Variants in RCBTB1 observed in about 807,000 individuals in gnomAD.
RCBTB1 encodes RCC1 and BTB domain-containing protein 1.
RCBTB1 carries 46 observed loss-of-function variants against 62.4 expected under a neutral mutation model. The observed-to-expected ratio is 0.74, with a 90% CI of 0.58 to 0.94. RCBTB1 has a LOEUF of 0.94. Among genes scored for constraint, RCBTB1 ranks in the 40% least tolerant of loss-of-function variants. The pLI is 0.00. For synonymous variants in RCBTB1, 222 were observed against 245.8 expected (o/e 0.90, Z 0.91); for missense variants, 565 against 654.9 (o/e 0.86, Z 1.50).
At chr13:49,548,512 C>G (rs965218592) in intron 9 of RCBTB1, among the ~76,000 whole-genome samples, 2 of 151,826 alleles carry the variant, frequency 1.3e-5, no homozygotes, top group African/African-American at 4.8e-5. Context: ...CAAGAACAGT[C>G]ATGACAGCAC....
intron 1 of RCBTB1, among the ~76,000 whole-genome samples, chr13:49,581,122 G>A (rs1427797001): frequency 6.6e-6 from 1 of 152,104 alleles, no homozygotes; most frequent in African/African-American, 2.4e-5. Context: ...ATCCCTGAAG[G>A]GTCTTAAGCA....
intron 5 of RCBTB1, 41 bp downstream of exon 5, chr13:49,559,877 T>C: frequency 6.5e-7 from 1 of 1,527,806 alleles, no homozygotes; most frequent in Non-Finnish European, 8.9e-7. Flanking sequence ...TTTACTATGA[T>C]GAAAAAAAAA....
chr13:49,535,421 C>T (rs1163477244), intron 12 of RCBTB1, among the ~76,000 whole-genome samples: 1 of 152,200 alleles, frequency 6.6e-6, no homozygotes, highest in Non-Finnish European at 1.5e-5. Context: ...ACTAAAAGCT[C>T]TTATCACAAA....
intron 4 of RCBTB1, among the ~76,000 whole-genome samples, chr13:49,564,635 T>TA (rs1179513943): frequency 9.5e-5 from 13 of 136,748 alleles, no homozygotes; most frequent in African/African-American, 3.6e-4. Flanking sequence ...CTCACGCCTG[T>TA]AATCCCAGCA....
At chr13:49,547,876 C>T (rs1960942657) in intron 9 of RCBTB1, among the ~76,000 whole-genome samples, 1 of 152,132 alleles carries the variant, frequency 6.6e-6, no homozygotes, top group Admixed American at 6.5e-5. Flanking sequence ...GCAGCCTTGA[C>T]CTCCCAGGCT....
chr13:49,580,259 CA>C (rs1964024286), intron 2 of RCBTB1, among the ~76,000 whole-genome samples: 1 of 151,886 alleles, frequency 6.6e-6, no homozygotes, highest in Non-Finnish European at 1.5e-5. Context: ...CAAAACAGAA[CA>C]AAAAAACCAA....
Position 49,541,797 on chromosome 13 carries a change from C to A in RCBTB1, c.1203G>T (p.Ser401=), listed in dbSNP as rs769742101. 1.9e-6 allele frequency: 3 copies of A among 1,613,490 alleles called. No individual in the cohort carries two copies. Among genetic ancestry groups the A allele is most frequent in the South Asian group, 2.2e-5 (2 of 91,008 alleles). The stretch of plus-strand genomic sequence containing the variant: ...CTTCCTTCATGTCTTCATTCCAATA[C>A]GACTGGAACATGGATCGAAAATGCT... ...RCEHFRSMFQ[S]YWNEDMKEVI... is the part of the protein sequence containing the mutation. The change falls in exon 11 of 13, where the codon TCG becomes TCT. Residue 401 remains serine (S), a synonymous_variant. Transcript: ENST00000378302.
At chr13:49,582,546 T>C (rs1266984026) in intron 1 of RCBTB1, among the ~76,000 whole-genome samples, 1 of 152,134 alleles carries the variant, frequency 6.6e-6, no homozygotes, top group African/African-American at 2.4e-5. Flanking sequence ...CAAGTCTTCC[T>C]TTTCTTCCTT....
intron 9 of RCBTB1, 83 bp from the exon 10 acceptor site, chr13:49,544,946 C>T (rs957945363): frequency 2.5e-5 from 28 of 1,128,336 alleles, no homozygotes; most frequent in Middle Eastern, 4.2e-4. Context: ...ATCATCATGA[C>T]CGTGATGGAT....
At position 49,568,571 on chromosome 13, in the gene RCBTB1, C is replaced by T. The variant is rs563757484; in HGVS notation, c.-41-1251G>A. On this transcript the variant is annotated intron_variant, in intron 2 of 12. Coordinates refer to ENST00000378302, the MANE Select transcript of RCBTB1 (RefSeq NM_018191.4). The stretch of plus-strand genomic sequence containing the variant: ...ACCCTTCCCACACAGCGTACTCTCA[C>T]GGCATTTCAGTTTTGTTTAAACTGG... Among the ~76,000 whole-genome samples the T allele has an allele frequency of 3.3e-5, 5 of 151,944 alleles. No homozygotes were observed. In the East Asian group the frequency reaches 9.7e-4, roughly 30 times the overall value.
At chr13:49,546,792 G>A (rs775385614) in intron 9 of RCBTB1, 7 of 192,728 alleles carry the variant, frequency 3.6e-5, no homozygotes, top group Non-Finnish European at 6.6e-5. Flanking sequence ...TGAGTGATGG[G>A]GAGCAGCTGT....
In RCBTB1 at chr13:49,567,322, T is replaced by G. The variant is rs747076959; in HGVS notation, c.-41-2A>C. The G allele has an allele frequency of 3.1e-6, 5 of 1,596,438 alleles. No homozygotes were observed. The East Asian group carries it at 1.1e-4, about 36-fold the overall frequency. On this transcript the variant is annotated splice_acceptor_variant, in intron 2 of 12. Coordinates refer to ENST00000378302, the MANE Select transcript of RCBTB1 (RefSeq NM_018191.4). LOFTEE classifies it low-confidence loss of function (5UTR_SPLICE). ...ATTCCTATAAATAAGCCGACATCTC[T>G]GCTGGAACAGAAAGGATTCCAGAAA...
intron 2 of RCBTB1, among the ~76,000 whole-genome samples, chr13:49,568,799 T>C (rs958134346): frequency 1.3e-5 from 2 of 152,078 alleles, no homozygotes; most frequent in Non-Finnish European, 2.9e-5. Context: ...CATGGTGGTG[T>C]GTGCCTGCAG....
chr13:49,546,798 GC>G (rs1960821764), intron 9 of RCBTB1: 1 of 206,964 alleles, frequency 4.8e-6, no homozygotes, highest in African/African-American at 2.4e-5. Flanking sequence ...ATGGGGAGCA[GC>G]TGTAAATACA....
intron 4 of RCBTB1, among the ~76,000 whole-genome samples, chr13:49,561,045 T>C (rs1962393212): frequency 6.6e-6 from 1 of 152,234 alleles, no homozygotes; most frequent in African/African-American, 2.4e-5. Flanking sequence ...AAGACAACTT[T>C]TCTTGTGTTA....
chr13:49,550,068 C>T (rs557559573), intron 8 of RCBTB1, among the ~76,000 whole-genome samples: 1 of 152,220 alleles, frequency 6.6e-6, no homozygotes, highest in East Asian at 1.9e-4. Flanking sequence ...TGGCTCACTG[C>T]AGCCTCGACC....
At chr13:49,543,458 C>T (rs1016839081) in intron 10 of RCBTB1, among the ~76,000 whole-genome samples, 25 of 152,138 alleles carry the variant, frequency 1.6e-4, no homozygotes, top group Non-Finnish European at 3.5e-4. Flanking sequence ...TTCATCTTTT[C>T]AATTAATACT....
Position 49,555,507 on chromosome 13 carries a change from C to T in RCBTB1, c.603+8G>A. The T allele has an allele frequency of 6.2e-7, 1 of 1,611,860 alleles. No homozygotes were observed. Among genetic ancestry groups the T allele is most frequent in the Non-Finnish European group, 8.5e-7 (1 of 1,177,982 alleles). ...GTAGAAAGGGAAATGGGAGTGGAGA[C>T]ACCTCACCTCGCCATTGTCCAGAAC... On this transcript the variant is annotated splice_region_variant and intron_variant, in intron 6 of 12. Coordinates refer to ENST00000378302, the MANE Select transcript of RCBTB1 (RefSeq NM_018191.4).
intron 9 of RCBTB1, among the ~76,000 whole-genome samples, chr13:49,548,288 A>G (rs1960997954): frequency 6.6e-6 from 1 of 151,358 alleles, no homozygotes; most frequent in South Asian, 2.1e-4. Flanking sequence ...GCTACTCAGG[A>G]GGCTAAGGCA....
Sources: gnomAD v4.1 joint callset for allele counts (sites outside exome capture counted in the v4.1 genomes callset) on GRCh38, gnomAD v4.1.1 for gene constraint, MANE v1.5 for transcripts, NCBI Gene and HGNC (gene_info 2026-07-23, HGNC 2026-07-21) for gene names.